The following RNF19A variants were observed in gnomAD, a reference collection of about 807,000 sequenced individuals.
RNF19A encodes E3 ubiquitin-protein ligase RNF19A.
RNF19A carries 32 observed loss-of-function variants against 75.7 expected under a neutral mutation model. The observed-to-expected ratio is 0.42, with a 90% confidence interval of 0.32 to 0.57. The LOEUF (loss-of-function observed/expected upper bound fraction) is 0.57. RNF19A is among the 20% of genes least tolerant of loss of function. RNF19A has a pLI of 0.10. For synonymous variants in RNF19A, 335 were observed against 345.2 expected (o/e 0.97, Z 0.33); for missense variants, 782 against 1,036.3 (o/e 0.75, Z 3.37).
chr8:100,328,450 A>C (rs1194534654), intron 1 of RNF19A, among the ~76,000 whole-genome samples: 1 of 151,846 alleles, frequency 6.6e-6, no homozygotes, highest in African/African-American at 2.4e-5. Context: ...ACTTCTAGGC[A>C]TTAATGTTTT....
chr8:100,264,205 A>T lies in RNF19A; in HGVS notation c.1307-10T>A, dbSNP rs757255542. ...ATAGGAACACCGATACCTAAAGAGAAATTAAATCAGTCATTACAAACAACA... is the reference window on the plus strand; with the variant it reads ...ATAGGAACACCGATACCTAAAGAGATATTAAATCAGTCATTACAAACAACA... On this transcript the variant is annotated splice_polypyrimidine_tract_variant and intron_variant, in intron 6 of 9. Transcript: ENST00000341084. This position sits in a 1 kb window ranked among gnomAD's most constrained non-coding sequence, Gnocchi z 4.7. 1.3e-6 allele frequency: 2 copies of T among 1,595,966 alleles called. No individual in the cohort carries two copies. The highest frequency in any genetic ancestry group is 8.5e-7 in the Non-Finnish European group (1 of 1,170,218).
rs1274883165 is a variant in RNF19A, at chr8:100,324,781, C to G, written c.-243+11327G>C. 1.3e-5 allele frequency among the ~76,000 whole-genome samples: 2 copies of G among 152,018 alleles called. No homozygotes were observed. The highest frequency in any genetic ancestry group is 2.9e-5 in the Non-Finnish European group (2 of 68,008). ...AGGAAAATTGATTAAAGGCATTGAT[C>G]TATCTTTTTTCTTTCTTTCTCTTTC... On this transcript the variant is annotated intron_variant, in intron 1 of 3. Coordinates refer to the RNF19A transcript ENST00000519527. The surrounding 1 kb of genome is among the most constrained non-coding windows in gnomAD (Gnocchi z 4.2).
chr8:100,329,960 TG>T lies in RNF19A; in HGVS notation c.-243+6147del, dbSNP rs1822589094. 6.6e-6 allele frequency among the ~76,000 whole-genome samples: 1 copy of T among 152,216 alleles called. No homozygotes were observed. The highest frequency in any genetic ancestry group is 1.5e-5 in the Non-Finnish European group (1 of 68,038). On this transcript the variant is annotated intron_variant, in intron 1 of 3. Coordinates refer to the RNF19A transcript ENST00000519527. This position sits in a 1 kb window ranked among gnomAD's most constrained non-coding sequence, Gnocchi z 4.3. ...ATCATGAACTATCTATTACTGAATA[TG>T]TTCAAGTAGAGCTTAGATGGTCATG...
chr8:100,331,860 C>A lies in RNF19A; in HGVS notation c.-243+4248G>T, dbSNP rs1822617327. On this transcript the variant is annotated intron_variant, in intron 1 of 3. Coordinates refer to the RNF19A transcript ENST00000519527. The surrounding 1 kb of genome is among the most constrained non-coding windows in gnomAD (Gnocchi z 5.2). ...CCCTACCTACCTCTCTTACACAGTA[C>A]TAACCTTTGCACCCTGCTTTTTTAC... Among the ~76,000 whole-genome samples, 1 of 152,152 alleles carries A rather than the reference C, an allele frequency of 6.6e-6. No individual in the cohort carries two copies.
At chr8:100,302,901 A>C (rs1821903380) in intron 1 of RNF19A, among the ~76,000 whole-genome samples, 2 of 152,240 alleles carry the variant, frequency 1.3e-5, no homozygotes, top group Non-Finnish European at 2.9e-5. Flanking sequence ...CAAGCAAAAT[A>C]ACAAAATGTA....
intron 1 of RNF19A, among the ~76,000 whole-genome samples, chr8:100,305,600 T>C (rs531476308): frequency 4.6e-5 from 7 of 152,356 alleles, no homozygotes; most frequent in African/African-American, 1.7e-4. Context: ...TGTATTTCTA[T>C]TGGACAACAC....
chr8:100,267,358 T>C (rs1820032277), intron 5 of RNF19A, among the ~76,000 whole-genome samples: 1 of 152,148 alleles, frequency 6.6e-6, no homozygotes, highest in South Asian at 2.1e-4. Context: ...TGACACAGTA[T>C]GACAACCTTT....
intron 7 of RNF19A, among the ~76,000 whole-genome samples, chr8:100,262,456 C>T (rs1022549320): frequency 6.6e-6 from 1 of 151,878 alleles, no homozygotes; most frequent in African/African-American, 2.4e-5. Flanking sequence ...AGACAGAGAA[C>T]TGCCAGTTTA....
At position 100,261,907 on chromosome 8, in the gene RNF19A, C is replaced by A; in HGVS notation, c.1469-152G>T. The A allele has an allele frequency of 3.9e-6, 3 of 764,772 alleles. No homozygotes were observed. Among genetic ancestry groups the A allele is most frequent in the Non-Finnish European group, 6.3e-6 (3 of 473,786 alleles). The allele number at this position is 764,772 out of a possible 1,614,324, so 47.4% of individuals were successfully genotyped here. A position where few individuals can be genotyped will look rare whatever the true frequency, so the allele number is the denominator to read the frequency against. On this transcript the variant is annotated intron_variant, in intron 7 of 9. Transcript: ENST00000341084. This position sits in a 1 kb window ranked among gnomAD's most constrained non-coding sequence, Gnocchi z 4.4. ...TTTTTTCAGGCTAGTCCACTAGAAGCAGTGGGAATAGAGCCAACAATTTTA... is the reference window on the plus strand; with the variant it reads ...TTTTTTCAGGCTAGTCCACTAGAAGAAGTGGGAATAGAGCCAACAATTTTA...
intron 1 of RNF19A, among the ~76,000 whole-genome samples, chr8:100,290,528 ACCT>A (rs1821244895): frequency 6.6e-6 from 1 of 152,164 alleles, no homozygotes; most frequent in South Asian, 2.1e-4. Context: ...CCTATGGCTG[ACCT>A]CCTAATTAAC....
chr8:100,317,979 G>A lies in RNF19A; in HGVS notation c.-242-4607C>T, dbSNP rs1313331859. 1.3e-5 allele frequency among the ~76,000 whole-genome samples: 2 copies of A among 151,952 alleles called. No individual in the cohort carries two copies. The highest frequency in any genetic ancestry group is 4.8e-5 in the African/African-American group (2 of 41,344). On this transcript the variant is annotated intron_variant, in intron 1 of 3. Transcript: ENST00000519527. The surrounding 1 kb of genome is among the most constrained non-coding windows in gnomAD (Gnocchi z 4.3). ...CATTTTTGCCCCTGGATAGGGCCTA[G>A]AACACCCCCTCCCCACCCTCTCCAG...
In RNF19A at chr8:100,325,532, G is replaced by T. The variant is rs542494665; in HGVS notation, c.-243+10576C>A. Among the ~76,000 whole-genome samples, 1 of 152,042 alleles carries T rather than the reference G, an allele frequency of 6.6e-6. No homozygotes were observed. The highest frequency in any genetic ancestry group is 2.4e-5 in the African/African-American group (1 of 41,464). On this transcript the variant is annotated intron_variant, in intron 1 of 3. Coordinates refer to the RNF19A transcript ENST00000519527. This position sits in a 1 kb window ranked among gnomAD's most constrained non-coding sequence, Gnocchi z 4.3. The stretch of plus-strand genomic sequence containing the variant: ...TGAACAAGACGTTTCAACTTTATAT[G>T]TACCCAGGAATTTGGATCTAGTTCT...
chr8:100,330,745 T>C lies in RNF19A; in HGVS notation c.-243+5363A>G, dbSNP rs1423865742. Among the ~76,000 whole-genome samples the C allele has an allele frequency of 1.3e-5, 2 of 152,224 alleles. No individual in the cohort carries two copies. Among genetic ancestry groups the C allele is most frequent in the Non-Finnish European group, 2.9e-5 (2 of 68,030 alleles). ...CTTGAAGCCAAAGTAGTCTGAACAA[T>C]ATGTTTGTCCTTTCAGTTTCTAACT... On this transcript the variant is annotated intron_variant, in intron 1 of 3. Transcript: ENST00000519527. The surrounding 1 kb of genome is among the most constrained non-coding windows in gnomAD (Gnocchi z 4.1).
intron 1 of RNF19A, among the ~76,000 whole-genome samples, chr8:100,334,594 C>G (rs775057861): frequency 1.1e-4 from 16 of 152,164 alleles, no homozygotes; most frequent in Non-Finnish European, 2.2e-4. Context: ...TTCTTGTGCC[C>G]CACCTCCGAG....
At chr8:100,327,424 G>A (rs1036469951) in intron 1 of RNF19A, among the ~76,000 whole-genome samples, 9 of 151,580 alleles carry the variant, frequency 5.9e-5, no homozygotes, top group African/African-American at 1.5e-4. Flanking sequence ...GCTAATTTTT[G>A]TATTTTTAGT....
chr8:100,292,435 G>GGGGGGT (rs137938989), intron 1 of RNF19A, among the ~76,000 whole-genome samples: 3,338 of 145,404 alleles, frequency 0.023, 96 homozygotes, highest in African/African-American at 0.079. Context: ...CTATCATATG[G>GGGGGGT]GTGTGTGTGT....
chr8:100,303,512 C>G (rs1000925183), intron 1 of RNF19A: 3 of 152,208 alleles, frequency 2.0e-5, no homozygotes, highest in Non-Finnish European at 4.4e-5. Flanking sequence ...ATGAACATAT[C>G]TTTTGTGGGG....
intron 2 of RNF19A, among the ~76,000 whole-genome samples, chr8:100,285,564 A>C (rs1820977531): frequency 6.6e-6 from 1 of 152,106 alleles, no homozygotes; most frequent in South Asian, 2.1e-4. Context: ...GTGTCCCTGA[A>C]TTTACTGTCT....
chr8:100,299,934 G>A (rs1033930356), intron 1 of RNF19A, among the ~76,000 whole-genome samples: 1 of 152,196 alleles, frequency 6.6e-6, no homozygotes, highest in African/African-American at 2.4e-5. Flanking sequence ...GTAAGGGGGA[G>A]GGAAGACCTC....
Sources: allele counts gnomAD v4.1 joint callset (sites outside exome capture counted in the v4.1 genomes callset), GRCh38; gene constraint gnomAD v4.1.1; non-coding constraint Gnocchi (gnomAD v3.1); transcripts MANE v1.5; gene names NCBI Gene and HGNC (gene_info 2026-07-23, HGNC 2026-07-21).